The following INPP4B variants were observed in gnomAD, a reference collection of about 807,000 sequenced individuals.
The protein encoded by INPP4B is inositol polyphosphate-4-phosphatase type II B, also known as inositol polyphosphate 4-phosphatase type II.
A neutral mutation model predicts 122.5 loss-of-function variants in INPP4B; 55 were observed. That is an observed-to-expected ratio of 0.45 (90% CI 0.36 to 0.56). INPP4B has a LOEUF of 0.56. Ranked by LOEUF, INPP4B falls within the 20% of genes least tolerant of loss-of-function variation. The probability of loss-of-function intolerance (pLI) is 0.00; values close to 1 mark genes in which losing one functional copy is unlikely to be tolerated. For missense variants in INPP4B, 1,000 were observed against 1,097.7 expected (o/e 0.91, Z 1.26); for synonymous variants, 403 against 388.7 (o/e 1.04, Z -0.43).
intron 12 of INPP4B, among the ~76,000 whole-genome samples, chr4:142,218,882 G>A (rs1318708739): frequency 6.6e-6 from 1 of 152,118 alleles, no homozygotes. Flanking sequence ...TAAATGACTG[G>A]TAGGTGGCTT....
At chr4:142,124,469 A>T in intron 19 of INPP4B, 119 bp downstream of exon 19, 1 of 934,618 alleles carries the variant, frequency 1.1e-6, no homozygotes, top group Non-Finnish European at 1.6e-6. Context: ...ATGGGATACC[A>T]AAACTTTAAG....
At chr4:142,405,044 G>C (rs1802903083) in intron 6 of INPP4B, among the ~76,000 whole-genome samples, 162 bp downstream of exon 6, 1 of 140,314 alleles carries the variant, frequency 7.1e-6, no homozygotes, top group African/African-American at 2.6e-5. Flanking sequence ...ACAGAGGATG[G>C]TAATGCAGCA....
chr4:142,318,667 G>GT (rs1400645491), intron 7 of INPP4B, among the ~76,000 whole-genome samples: 1 of 152,122 alleles, frequency 6.6e-6, no homozygotes, highest in Non-Finnish European at 1.5e-5. Context: ...CCAATTAATG[G>GT]TAGTGATCAT....
At chr4:142,491,665 A>C (rs2149784729) in intron 2 of INPP4B, among the ~76,000 whole-genome samples, 1 of 152,294 alleles carries the variant, frequency 6.6e-6, no homozygotes, top group East Asian at 1.9e-4. Flanking sequence ...TCAAAGAAAA[A>C]CAAAATGGGC....
At chr4:142,246,826 T>A (rs935060260) in intron 11 of INPP4B, among the ~76,000 whole-genome samples, 6 of 152,234 alleles carry the variant, frequency 3.9e-5, no homozygotes, top group Admixed American at 2.6e-4. Context: ...AGAAATTCCA[T>A]TACTATGTTG....
intron 2 of INPP4B, among the ~76,000 whole-genome samples, chr4:142,671,813 T>C (rs1462622172): frequency 6.6e-6 from 1 of 152,196 alleles, no homozygotes; most frequent in East Asian, 1.9e-4. Context: ...TTTTACTGTA[T>C]AATTTGACTA....
In INPP4B at chr4:142,431,390, G is replaced by A; in HGVS notation, c.-126-5C>T. 2 of 663,914 alleles carry A rather than the reference G, an allele frequency of 3.0e-6. No individual in the cohort carries two copies. The highest frequency in any genetic ancestry group is 5.2e-6 in the Non-Finnish European group (2 of 381,244). The allele number at this position is 663,914 out of a possible 1,614,324, so 41.1% of individuals were successfully genotyped here. ...TCCCACTCTGAAATTCTGTACCTAGGAAACATCAAAAGTTAAAATTTCAGT... is the reference window on the plus strand; with the variant it reads ...TCCCACTCTGAAATTCTGTACCTAGAAAACATCAAAAGTTAAAATTTCAGT... On this transcript the variant is annotated splice_region_variant and splice_polypyrimidine_tract_variant and intron_variant, in intron 3 of 25. Coordinates refer to ENST00000262992, the MANE Select transcript of INPP4B (RefSeq NM_001101669.3).
chr4:142,365,437 ATAAG>A (rs1787095859), intron 7 of INPP4B, among the ~76,000 whole-genome samples: 1 of 152,168 alleles, frequency 6.6e-6, no homozygotes, highest in Non-Finnish European at 1.5e-5. Context: ...AAAACAACTC[ATAAG>A]TAATAGGTGG....
chr4:142,133,372 C>T (rs1260972512), intron 18 of INPP4B, among the ~76,000 whole-genome samples: 1 of 152,140 alleles, frequency 6.6e-6, no homozygotes, highest in Non-Finnish European at 1.5e-5. Context: ...AAATGTCTTA[C>T]CCTAAAAATA....
At position 142,024,995 on chromosome 4, in the gene INPP4B, A is replaced by G. The variant is rs1432761693; in HGVS notation, c.*3787T>C. On this transcript the variant is annotated 3_prime_UTR_variant, in exon 26 of 26. Transcript: ENST00000262992. Reference sequence around the variant, plus strand: ...AGGTAAAAACCAAAACATTTATATAACCAAAATTATAGCCATCTGAAGATA... The same window carrying G: ...AGGTAAAAACCAAAACATTTATATAGCCAAAATTATAGCCATCTGAAGATA... The G allele has an allele frequency of 6.6e-6, 1 of 152,144 alleles. No homozygotes were observed. The allele number at this position is 152,144 out of a possible 1,614,324, so 9.4% of individuals were successfully genotyped here.
intron 1 of INPP4B, among the ~76,000 whole-genome samples, chr4:142,729,337 ACCCAGCTG>A (rs1765760793): frequency 6.6e-6 from 1 of 152,000 alleles, no homozygotes; most frequent in African/African-American, 2.4e-5. Context: ...AAATCAGAAC[ACCCAGCTG>A]CACGTGACAA....
intron 16 of INPP4B, among the ~76,000 whole-genome samples, chr4:142,163,146 A>G (rs1369366624): frequency 1.3e-5 from 2 of 151,836 alleles, no homozygotes; most frequent in East Asian, 1.9e-4. Flanking sequence ...TTGCTTTCCC[A>G]TGGTTTCAGT....
At chr4:142,288,561 C>T (rs980453076) in intron 9 of INPP4B, among the ~76,000 whole-genome samples, 9 of 151,884 alleles carry the variant, frequency 5.9e-5, no homozygotes, top group South Asian at 2.1e-4. Flanking sequence ...CCAGCCTGGG[C>T]GACAGAGCGA....
At chr4:142,516,784 T>A (rs1467707396) in intron 2 of INPP4B, among the ~76,000 whole-genome samples, 1 of 151,754 alleles carries the variant, frequency 6.6e-6, no homozygotes, top group African/African-American at 2.4e-5. Context: ...TTTCCCCCAG[T>A]CAGGTTACTA....
chr4:142,368,962 GGA>G (rs1363539716), intron 7 of INPP4B, among the ~76,000 whole-genome samples: 1 of 152,036 alleles, frequency 6.6e-6, no homozygotes, highest in African/African-American at 2.4e-5. Flanking sequence ...TTTGGGGTAA[GGA>G]GCTTGGGCAT....
intron 2 of INPP4B, among the ~76,000 whole-genome samples, chr4:142,592,640 T>G (rs990932046): frequency 6.6e-6 from 1 of 152,206 alleles, no homozygotes; most frequent in Non-Finnish European, 1.5e-5. Context: ...ATATTTTCTT[T>G]AAATATTGTA....
chr4:142,624,304 T>C (rs1396351028), intron 2 of INPP4B, among the ~76,000 whole-genome samples: 2 of 151,826 alleles, frequency 1.3e-5, no homozygotes, highest in African/African-American at 4.8e-5. Context: ...TGATTTGCAT[T>C]TCTCTGATGG....
At chr4:142,418,076 T>C (rs528554955) in intron 5 of INPP4B, among the ~76,000 whole-genome samples, 6 of 152,284 alleles carry the variant, frequency 3.9e-5, no homozygotes, top group Admixed American at 3.9e-4. Context: ...ATACGCAGTC[T>C]AATTATAGAA....
intron 25 of INPP4B, among the ~76,000 whole-genome samples, chr4:142,070,378 T>A (rs544584918): frequency 2.0e-5 from 3 of 152,286 alleles, no homozygotes; most frequent in African/African-American, 7.2e-5. Flanking sequence ...ACAGCCAATA[T>A]CATACTGAAT....
Sources: gnomAD v4.1 joint callset for allele counts (sites outside exome capture counted in the v4.1 genomes callset) on GRCh38, gnomAD v4.1.1 for gene constraint, MANE v1.5 for transcripts, NCBI Gene and HGNC (gene_info 2026-07-23, HGNC 2026-07-21) for gene names.